IFT80: variants seen among roughly 807,000 people sequenced by gnomAD.
IFT80 encodes intraflagellar transport protein 80 homolog.
IFT80 carries 79 observed loss-of-function variants against 107.9 expected under a neutral mutation model. The ratio of observed to expected loss-of-function variants is 0.73; its 90% CI spans 0.61 to 0.88. IFT80 has a LOEUF of 0.88. Among genes scored for constraint, IFT80 ranks in the 40% least tolerant of loss-of-function variants. IFT80 has a pLI of 0.00. For synonymous variants in IFT80, 299 were observed against 300.9 expected (o/e 0.99, Z 0.07); for missense variants, 797 against 914.2 (o/e 0.87, Z 1.65).
intron 10 of IFT80, among the ~76,000 whole-genome samples, chr3:160,304,442 T>C (rs867258740): frequency 9.3e-5 from 14 of 150,108 alleles, no homozygotes; most frequent in Middle Eastern, 6.8e-3. Flanking sequence ...TTTCTTTTTT[T>C]TTTTTTTTTT....
intron 4 of IFT80, 21 bp from the exon 5 acceptor site, chr3:160,375,901 T>A (rs1711979622): frequency 6.7e-7 from 1 of 1,496,686 alleles, no homozygotes; most frequent in Non-Finnish European, 9.3e-7. Flanking sequence ...AAAAAAAAAT[T>A]AATCAGTATT....
At chr3:160,321,345 G>A (rs1718198082) in intron 8 of IFT80, among the ~76,000 whole-genome samples, 1 of 151,876 alleles carries the variant, frequency 6.6e-6, no homozygotes, top group South Asian at 2.1e-4. Flanking sequence ...GGTTGATAAT[G>A]ACAAATAAGA....
At chr3:160,298,350 C>A (rs1485150913) in intron 12 of IFT80, among the ~76,000 whole-genome samples, 2 of 152,086 alleles carry the variant, frequency 1.3e-5, no homozygotes, top group East Asian at 3.9e-4. Context: ...AAATATTTTC[C>A]CCTCATTTTA....
At position 160,366,101 on chromosome 3, in the gene IFT80, T is replaced by C. The variant is rs765333261; in HGVS notation, c.491A>G (p.Tyr164Cys). The change falls in exon 6 of 20, where the codon TAT becomes TGT. Residue 164 changes from tyrosine to cysteine, a missense_variant. By Grantham distance (194) the Tyr-to-Cys change is radical. Transcript: ENST00000326448. Reference protein sequence around the residue: ...AWGPDSEKVLYTAGKQLIIKP... With the variant: ...AWGPDSEKVLCTAGKQLIIKP... ...AATGATTAGCTGCTTGCCTGCTGTA[T>C]AAAGAACCTTTTCTGAATCAGGGCC... 1.9e-6 allele frequency: 3 copies of C among 1,612,732 alleles called. No individual in the cohort carries two copies. Among genetic ancestry groups the C allele is most frequent in the Non-Finnish European group, 2.5e-6 (3 of 1,179,166 alleles).
chr3:160,378,831 T>G (rs1712247101), intron 3 of IFT80, among the ~76,000 whole-genome samples: 2 of 152,072 alleles, frequency 1.3e-5, no homozygotes, highest in African/African-American at 4.8e-5. Flanking sequence ...AAGCTCTTCC[T>G]TGGAGTAGAA....
chr3:160,329,342 G>T (rs1314218348), intron 8 of IFT80, among the ~76,000 whole-genome samples: 1 of 152,072 alleles, frequency 6.6e-6, no homozygotes, highest in African/African-American at 2.4e-5. Context: ...CTCTAAAAGG[G>T]AATGAGACAG....
intron 19 of IFT80, among the ~76,000 whole-genome samples, chr3:160,263,872 T>C (rs1713066286): frequency 6.6e-6 from 1 of 152,108 alleles, no homozygotes; most frequent in African/African-American, 2.4e-5. Context: ...AGACGGGGTT[T>C]CACTGTGTTA....
chr3:160,299,046 T>C, intron 12 of IFT80: 1 of 828,002 alleles, frequency 1.2e-6, no homozygotes, highest in Non-Finnish European at 1.5e-6. Context: ...ATATGTGGTG[T>C]TGAATAAGGA....
At chr3:160,361,300 G>C (rs1386463105) in intron 6 of IFT80, among the ~76,000 whole-genome samples, 1 of 152,178 alleles carries the variant, frequency 6.6e-6, no homozygotes. Context: ...TAATGGTAAA[G>C]GGATCAATTC....
chr3:160,334,606 G>A lies in IFT80; in HGVS notation c.778-14667C>T, dbSNP rs142884582. On this transcript the variant is annotated intron_variant, in intron 8 of 19. Coordinates refer to ENST00000326448, the MANE Select transcript of IFT80 (RefSeq NM_020800.3). ...TAATTTTTGTATTTTTAGTAGAGAC[G>A]GGGTTTCACCATATTAGCCAGGCTG... Among the ~76,000 whole-genome samples, 684 of 152,080 alleles carry A rather than the reference G, an allele frequency of 4.5e-3. 6 individuals are homozygous for A. The highest frequency in any genetic ancestry group is 0.016 in the African/African-American group (659 of 41,486).
At chr3:160,358,993 G>A (rs1721300271) in intron 6 of IFT80, among the ~76,000 whole-genome samples, 1 of 152,114 alleles carries the variant, frequency 6.6e-6, no homozygotes, top group South Asian at 2.1e-4. Flanking sequence ...ATAAGACCAA[G>A]TTCGAAGTGT....
At chr3:160,358,674 T>C (rs1028570016) in intron 6 of IFT80, among the ~76,000 whole-genome samples, 3 of 152,192 alleles carry the variant, frequency 2.0e-5, no homozygotes, top group Non-Finnish European at 4.4e-5. Context: ...AAGAGTTTCA[T>C]TTTAAAGGAA....
intron 1 of IFT80, among the ~76,000 whole-genome samples, chr3:160,388,933 A>G (rs1713148001): frequency 6.6e-6 from 1 of 152,232 alleles, no homozygotes; most frequent in Non-Finnish European, 1.5e-5. Flanking sequence ...AAAGGGCCAG[A>G]AAACAAATTC....
chr3:160,330,256 T>A (rs1718994259), intron 8 of IFT80, among the ~76,000 whole-genome samples: 1 of 152,188 alleles, frequency 6.6e-6, no homozygotes, highest in South Asian at 2.1e-4. Flanking sequence ...TAGGTCTGGA[T>A]GTGTGTTTAA....
At chr3:160,379,232 C>CATAT (rs1191818801) in intron 3 of IFT80, among the ~76,000 whole-genome samples, 1 of 152,034 alleles carries the variant, frequency 6.6e-6, no homozygotes, top group African/African-American at 2.4e-5. Flanking sequence ...AAATAACAGG[C>CATAT]ATATATTCTT....
intron 1 of IFT80, among the ~76,000 whole-genome samples, chr3:160,389,790 T>A (rs917192422): frequency 6.6e-6 from 1 of 152,160 alleles, no homozygotes; most frequent in African/African-American, 2.4e-5. Context: ...ACAATAAACA[T>A]ACGTGTGCAT....
At chr3:160,345,134 C>T (rs541107453) in intron 8 of IFT80, among the ~76,000 whole-genome samples, 1 of 152,150 alleles carries the variant, frequency 6.6e-6, no homozygotes, top group Admixed American at 6.5e-5. Context: ...AGAGCTATCT[C>T]CATGTTTGTT....
At chr3:160,293,552 G>T (rs957630586) in intron 12 of IFT80, among the ~76,000 whole-genome samples, 1 of 152,136 alleles carries the variant, frequency 6.6e-6, no homozygotes, top group Admixed American at 6.5e-5. Flanking sequence ...GGGATCCATG[G>T]TCATAGGCCA....
At chr3:160,365,172 G>GCTT (rs1721782481) in intron 6 of IFT80, among the ~76,000 whole-genome samples, 1 of 152,052 alleles carries the variant, frequency 6.6e-6, no homozygotes, top group Non-Finnish European at 1.5e-5. Context: ...CTCTTTCCCA[G>GCTT]CTTCTTCCCT....
Sources: gnomAD v4.1 joint callset for allele counts (sites outside exome capture counted in the v4.1 genomes callset) on GRCh38, gnomAD v4.1.1 for gene constraint, MANE v1.5 for transcripts, NCBI Gene and HGNC (gene_info 2026-07-23, HGNC 2026-07-21) for gene names.